PRKACB: variants seen among roughly 807,000 people sequenced by gnomAD.
The protein encoded by PRKACB is protein kinase cAMP-activated catalytic subunit beta.
A neutral mutation model predicts 51.4 loss-of-function variants in PRKACB; 16 were observed. That is an observed-to-expected ratio of 0.31 (90% confidence interval 0.21 to 0.47). The LOEUF (loss-of-function observed/expected upper bound fraction) is 0.47, where lower values mean the gene tolerates loss of function less well. PRKACB is among the 20% of genes least tolerant of loss of function. The pLI is 1.00. For missense variants in PRKACB, 309 were observed against 464.5 expected, an observed-to-expected ratio of 0.67 and a Z score of 3.08; for synonymous variants, 147 against 154.4, an observed-to-expected ratio of 0.95 and a Z score of 0.35.
At chr1:84,095,762 A>G (rs546445885) in intron 1 of PRKACB, among the ~76,000 whole-genome samples, 1 of 152,010 alleles carries the variant, frequency 6.6e-6, no homozygotes, top group East Asian at 1.9e-4. Flanking sequence ...TACCAATTAC[A>G]TGTATATGTA....
At chr1:84,181,801 T>C in intron 2 of PRKACB, 1 of 1,094,084 alleles carries the variant, frequency 9.1e-7, no homozygotes, top group East Asian at 2.8e-5. Flanking sequence ...GCATTAAGTC[T>C]GTATGGCTTC....
intron 1 of PRKACB, among the ~76,000 whole-genome samples, chr1:84,080,748 A>C (rs1284294587): frequency 6.6e-6 from 1 of 150,962 alleles, no homozygotes; most frequent in Non-Finnish European, 1.5e-5. Context: ...ATGATGTTAG[A>C]GATCAGCCTG....
chr1:84,171,129 C>T lies in PRKACB; in HGVS notation c.188-8048C>T, dbSNP rs1181250099. On this transcript the variant is annotated intron_variant, in intron 1 of 9. Transcript: ENST00000370685. ...TAAATAACTTACCAAATAATTAACT[C>T]GTAAATTTAAGGTGTAACTATGTAT... Among the ~76,000 whole-genome samples the T allele has an allele frequency of 4.0e-5, 6 of 151,406 alleles. No individual in the cohort carries two copies. The East Asian group carries it at 7.8e-4, about 20-fold the overall frequency.
intron 1 of PRKACB, among the ~76,000 whole-genome samples, chr1:84,138,937 G>A (rs1450663197): frequency 6.6e-6 from 1 of 152,008 alleles, no homozygotes. Flanking sequence ...AAAACCACAT[G>A]ATTTTATCAA....
intron 1 of PRKACB, chr1:84,164,342 A>G (rs1346435985): frequency 1.7e-5 from 26 of 1,548,484 alleles, no homozygotes; most frequent in Admixed American, 5.9e-5. Context: ...CACAGCTAGC[A>G]GTAAGAGCTG....
chr1:84,150,381 C>T (rs114933520), intron 1 of PRKACB, among the ~76,000 whole-genome samples: 1,702 of 152,018 alleles, frequency 0.011, 42 homozygotes, highest in African/African-American at 0.039. Context: ...AATATAATGG[C>T]CCATTATACT....
chr1:84,139,254 C>T (rs6576962), intron 1 of PRKACB, among the ~76,000 whole-genome samples: 69,301 of 151,836 alleles, frequency 0.46, 16,797 homozygotes, highest in Non-Finnish European at 0.56. Context: ...TGTTGAAAGA[C>T]GACATGACTG....
intron 9 of PRKACB, among the ~76,000 whole-genome samples, chr1:84,219,061 C>T (rs1673285361): frequency 6.6e-6 from 1 of 152,118 alleles, no homozygotes; most frequent in Admixed American, 6.6e-5. Flanking sequence ...GAATAGTTTG[C>T]AAATATTTTT....
At chr1:84,220,205 T>C (rs1021554269) in intron 9 of PRKACB, among the ~76,000 whole-genome samples, 4 of 152,128 alleles carry the variant, frequency 2.6e-5, no homozygotes, top group Non-Finnish European at 4.4e-5. Context: ...ATTTTATTTA[T>C]TTTTTTGTAG....
At chr1:84,132,914 C>T (rs1017010025) in intron 1 of PRKACB, among the ~76,000 whole-genome samples, 6 of 151,830 alleles carry the variant, frequency 4.0e-5, no homozygotes, top group Non-Finnish European at 8.8e-5. Flanking sequence ...ATTTATCTAT[C>T]ATTGGAATAC....
chr1:84,160,312 T>A (rs1656021612), intron 1 of PRKACB, among the ~76,000 whole-genome samples: 1 of 151,900 alleles, frequency 6.6e-6, no homozygotes, highest in Non-Finnish European at 1.5e-5. Flanking sequence ...TTCCATTTCA[T>A]CTGTTGTCTT....
intron 1 of PRKACB, among the ~76,000 whole-genome samples, chr1:84,128,657 C>G (rs1377143723): frequency 1.3e-5 from 2 of 152,020 alleles, no homozygotes; most frequent in African/African-American, 2.4e-5. Flanking sequence ...TATGTATATT[C>G]TCTTAGTTGA....
intron 1 of PRKACB, among the ~76,000 whole-genome samples, chr1:84,120,691 CTCTT>C (rs1165478391): frequency 6.6e-6 from 1 of 151,936 alleles, no homozygotes; most frequent in Non-Finnish European, 1.5e-5. Context: ...AAATAGTTCT[CTCTT>C]AATAGGGAAA....
At chr1:84,141,841 G>A (rs1253078898), upstream of PRKACB, among the ~76,000 whole-genome samples, 1 of 152,044 alleles carries the variant, frequency 6.6e-6, no homozygotes, top group Non-Finnish European at 1.5e-5. Context: ...ATGTCAGAGA[G>A]GTGAATGATT....
At chr1:84,176,741 G>T (rs1322849550) in intron 1 of PRKACB, among the ~76,000 whole-genome samples, 1 of 151,622 alleles carries the variant, frequency 6.6e-6, no homozygotes, top group African/African-American at 2.4e-5. Flanking sequence ...TAATATATTT[G>T]ATTAATACTC....
chr1:84,238,011 A>C lies in PRKACB; in HGVS notation c.*2706A>C, dbSNP rs985073397. 3.9e-5 allele frequency: 6 copies of C among 152,156 alleles called. No individual in the cohort carries two copies. The highest frequency in any genetic ancestry group is 1.4e-4 in the African/African-American group (6 of 41,454). The allele number at this position is 152,156 out of a possible 1,614,324, so 9.4% of individuals were successfully genotyped here. A position where few individuals can be genotyped will look rare whatever the true frequency, so the allele number is the denominator to read the frequency against. Reference sequence around the variant, plus strand: ...CTTTGAAGTAAGTCTCAATAAGGCAATATATTTTAGGGCATCTTTCTTCTT... The same window carrying C: ...CTTTGAAGTAAGTCTCAATAAGGCACTATATTTTAGGGCATCTTTCTTCTT... On this transcript the variant is annotated 3_prime_UTR_variant, in exon 10 of 10. Coordinates refer to ENST00000370685, the MANE Select transcript of PRKACB (RefSeq NM_182948.4).
At chr1:84,221,730 A>G (rs1015813986) in intron 9 of PRKACB, among the ~76,000 whole-genome samples, 2 of 152,184 alleles carry the variant, frequency 1.3e-5, no homozygotes, top group South Asian at 4.1e-4. Context: ...CTATTTGTAC[A>G]GTTTCCAAAG....
chr1:84,222,601 C>A (rs554320427), intron 9 of PRKACB, among the ~76,000 whole-genome samples: 145 of 152,132 alleles, frequency 9.5e-4, no homozygotes, highest in Middle Eastern at 3.4e-3. Flanking sequence ...CTACCAGTGA[C>A]TTTTATACTT....
intron 1 of PRKACB, among the ~76,000 whole-genome samples, chr1:84,092,892 T>C (rs184117279): frequency 2.2e-3 from 335 of 152,180 alleles, no homozygotes; most frequent in Non-Finnish European, 4.2e-3. Context: ...AATGTTTTTT[T>C]TTTTTTCAGG....
Sources: gnomAD v4.1 joint callset for allele counts (sites outside exome capture counted in the v4.1 genomes callset) on GRCh38, gnomAD v4.1.1 for gene constraint, MANE v1.5 for transcripts, NCBI Gene and HGNC (gene_info 2026-07-23, HGNC 2026-07-21) for gene names.